Variants in TRIM9 observed in about 807,000 individuals in gnomAD.
TRIM9 encodes tripartite motif containing 9, also known as E3 ubiquitin-protein ligase TRIM9.
In TRIM9, 26 loss-of-function variants were observed where a neutral mutation model predicts 78.3. The observed-to-expected ratio is 0.33, with a 90% CI of 0.24 to 0.46. The LOEUF (loss-of-function observed/expected upper bound fraction) is 0.46. Ranked by LOEUF, TRIM9 falls within the 20% of genes least tolerant of loss-of-function variation. TRIM9 has a pLI of 1.00. For synonymous variants in TRIM9, 398 were observed against 416.5 expected, an observed-to-expected ratio of 0.96 and a Z score of 0.54; for missense variants, 787 against 1,036.4, an observed-to-expected ratio of 0.76 and a Z score of 3.30.
In TRIM9 at chr14:50,986,081, C is replaced by T. The variant is rs1214313412; in HGVS notation, c.1667G>A (p.Arg556Lys). The change falls in exon 8 of 13, where the codon AGA becomes AAA. Residue 556 changes from arginine to lysine, a missense_variant. Coordinates refer to ENST00000684578, the MANE Select transcript of TRIM9 (RefSeq NM_001387360.1). The stretch of plus-strand genomic sequence containing the variant: ...AAGGGTGGAGGAGAAAGGACTCATT[C>T]TACGGAGCGGCAATCTTTCCGAAGG... ...PVPSERLPLR[R>K]MSPFSSTLNL... 11 of 1,548,680 alleles carry T rather than the reference C, an allele frequency of 7.1e-6. No individual in the cohort carries two copies. The highest frequency in any genetic ancestry group is 9.6e-6 in the Non-Finnish European group (11 of 1,145,934).
intron 1 of TRIM9, among the ~76,000 whole-genome samples, chr14:51,045,329 G>T (rs1161502366): frequency 6.6e-6 from 1 of 152,342 alleles, no homozygotes; most frequent in South Asian, 2.1e-4. Context: ...CCCTGTGAGG[G>T]TGACACTCAG....
intron 5 of TRIM9, among the ~76,000 whole-genome samples, chr14:51,002,644 C>G (rs1024985464): frequency 6.6e-6 from 1 of 152,168 alleles, no homozygotes; most frequent in Non-Finnish European, 1.5e-5. Flanking sequence ...TAAATCTATG[C>G]CTTGTCAGTC....
intron 8 of TRIM9, among the ~76,000 whole-genome samples, chr14:50,984,067 T>C (rs1010541409): frequency 1.3e-5 from 2 of 152,150 alleles, no homozygotes; most frequent in African/African-American, 2.4e-5. Context: ...TGGAACTTTT[T>C]CAACCATCTC....
chr14:51,033,167 G>A (rs2058873034), intron 1 of TRIM9, among the ~76,000 whole-genome samples: 1 of 152,186 alleles, frequency 6.6e-6, no homozygotes, highest in African/African-American at 2.4e-5. Context: ...TCAGCTCACT[G>A]CAACCTCCAC....
chr14:51,079,145 T>C (rs74054040), intron 1 of TRIM9, among the ~76,000 whole-genome samples: 4,390 of 152,300 alleles, frequency 0.029, 150 homozygotes, highest in African/African-American at 0.082. Flanking sequence ...AAAGCCTTCA[T>C]AATATGCAAA....
chr14:51,018,617 C>T (rs1252280857), intron 3 of TRIM9, among the ~76,000 whole-genome samples: 1 of 152,148 alleles, frequency 6.6e-6, no homozygotes, highest in South Asian at 2.1e-4. Context: ...ATAGATTACA[C>T]TAGGCCTCAA....
At chr14:51,023,322 G>A (rs1256033858) in intron 2 of TRIM9, among the ~76,000 whole-genome samples, 1 of 152,146 alleles carries the variant, frequency 6.6e-6, no homozygotes, top group East Asian at 1.9e-4. Context: ...CAATGAGGAG[G>A]GAGTGGGGCA....
At chr14:51,024,376 CA>C (rs201359496) in intron 2 of TRIM9, among the ~76,000 whole-genome samples, 6 of 149,100 alleles carry the variant, frequency 4.0e-5, no homozygotes, top group Non-Finnish European at 6.0e-5. Context: ...GCATGTGTGC[CA>C]AAAAAAAAGG....
intron 1 of TRIM9, among the ~76,000 whole-genome samples, chr14:51,057,932 T>A (rs752535194): frequency 6.6e-6 from 1 of 152,212 alleles, no homozygotes; most frequent in Non-Finnish European, 1.5e-5. Context: ...ATTGAAAGGA[T>A]AGACTTTTGG....
At position 51,016,107 on chromosome 14, in the gene TRIM9, T is replaced by C. The variant is rs542975442; in HGVS notation, c.1042-5613A>G. ...CTCAAGTCCCTGATATAAAATGGCATGGTACTGGCATATTACCTATGCACA... is the reference window on the plus strand; with the variant it reads ...CTCAAGTCCCTGATATAAAATGGCACGGTACTGGCATATTACCTATGCACA... On this transcript the variant is annotated intron_variant, in intron 3 of 12. Transcript: ENST00000684578. Among the ~76,000 whole-genome samples, 144 of 152,350 alleles carry C rather than the reference T, an allele frequency of 9.5e-4. 1 individual carries two copies. The highest frequency in any genetic ancestry group is 3.2e-3 in the African/African-American group (131 of 41,576).
intron 8 of TRIM9, among the ~76,000 whole-genome samples, chr14:50,985,688 C>G (rs1596099195): frequency 6.6e-6 from 1 of 152,184 alleles, no homozygotes; most frequent in African/African-American, 2.4e-5. Flanking sequence ...CATGGTGGTA[C>G]CAGCTTGTGC....
chr14:51,054,655 G>T (rs1440150955), intron 1 of TRIM9, among the ~76,000 whole-genome samples: 1 of 151,580 alleles, frequency 6.6e-6, no homozygotes, highest in Non-Finnish European at 1.5e-5. Context: ...CTCACTGCAA[G>T]CTCCGCCTCC....
rs116718770 is a variant in TRIM9 at position 51,007,617 on chromosome 14, T to C, written c.1306+1463A>G. ...CTTCCTGTGCCCCAGTTTCTTCAAC[T>C]GTCTACTAGGGTTATGAGAATAAAA... is the stretch of plus-strand genomic sequence containing the variant. On this transcript the variant is annotated intron_variant, in intron 5 of 12. Transcript: ENST00000684578. Among the ~76,000 whole-genome samples the C allele has an allele frequency of 6.7e-3, 1,014 of 152,304 alleles. 13 individuals are homozygous for C. The highest frequency in any genetic ancestry group is 0.023 in the African/African-American group (970 of 41,556).
chr14:51,039,739 T>A (rs988240815), intron 1 of TRIM9, among the ~76,000 whole-genome samples: 11 of 149,672 alleles, frequency 7.3e-5, no homozygotes, highest in African/African-American at 2.2e-4. Context: ...TATTATAAAT[T>A]ATATTTTTAA....
chr14:51,034,146 T>A (rs1031861067), intron 1 of TRIM9, among the ~76,000 whole-genome samples: 1 of 152,138 alleles, frequency 6.6e-6, no homozygotes, highest in Non-Finnish European at 1.5e-5. Context: ...TTTTCCGAAT[T>A]GTTTTCCAGT....
chr14:51,095,071 A>C lies in TRIM9; in HGVS notation c.-132T>G. The C allele has an allele frequency of 3.5e-6, 2 of 570,380 alleles. No individual in the cohort carries two copies. Among genetic ancestry groups the C allele is most frequent in the East Asian group, 3.2e-5 (1 of 31,206 alleles). 35.3% of individuals were successfully genotyped at this position (570,380 alleles called of 1,614,324 possible). A position where few individuals can be genotyped will look rare whatever the true frequency, so the allele number is the denominator to read the frequency against. On this transcript the variant is annotated 5_prime_UTR_variant, in exon 1 of 13. Coordinates refer to ENST00000684578, the MANE Select transcript of TRIM9 (RefSeq NM_001387360.1). ...TGGTGGTGGTGCCTTCCCGCGCAGCACTGGCACGGACACCCAGAGAGGCGC... is the reference window on the plus strand; with the variant it reads ...TGGTGGTGGTGCCTTCCCGCGCAGCCCTGGCACGGACACCCAGAGAGGCGC...
In TRIM9 at chr14:51,094,754, A is replaced by G. The variant is rs557629834; in HGVS notation, c.186T>C (p.Tyr62=). The stretch of plus-strand genomic sequence containing the variant: ...ATAGGCTCATCTTGTCCAGGTCCAG[A>G]TAGTCATAGTCGGAGACCCCGGAGC... ...AAGSGVSDYD[Y]LDLDKMSLYS... The change falls in exon 1 of 13, where the codon TAT becomes TAC. Residue 62 remains tyrosine, a synonymous_variant. Coordinates refer to ENST00000684578, the MANE Select transcript of TRIM9 (RefSeq NM_001387360.1). 6.5e-5 allele frequency: 99 copies of G among 1,529,944 alleles called. 3 individuals carry two copies. In the South Asian group the frequency reaches 1.2e-3, roughly 19 times the overall value. 94.8% of individuals were successfully genotyped at this position (1,529,944 alleles called of 1,614,324 possible).
intron 3 of TRIM9, among the ~76,000 whole-genome samples, chr14:51,022,530 T>C (rs536888465): frequency 1.4e-4 from 21 of 152,342 alleles, no homozygotes; most frequent in South Asian, 4.1e-4. Context: ...ATCTTGTTTA[T>C]TATTTGTCCC....
At chr14:51,015,172 G>C (rs930399461) in intron 3 of TRIM9, among the ~76,000 whole-genome samples, 1 of 152,192 alleles carries the variant, frequency 6.6e-6, no homozygotes, top group African/African-American at 2.4e-5. Flanking sequence ...GGTTAAAGGA[G>C]AGTCTGAAGG....
Sources: allele counts gnomAD v4.1 joint callset (sites outside exome capture counted in the v4.1 genomes callset), GRCh38; gene constraint gnomAD v4.1.1; transcripts MANE v1.5; gene names NCBI Gene and HGNC (gene_info 2026-07-23, HGNC 2026-07-21).